The following GALNT17 variants were observed in gnomAD, a reference collection of about 807,000 sequenced individuals.
GALNT17 encodes polypeptide N-acetylgalactosaminyltransferase 17.
In GALNT17, 29 loss-of-function variants were observed where a neutral mutation model predicts 63.7. That is an observed-to-expected ratio of 0.46 (90% confidence interval 0.34 to 0.62). GALNT17 has a LOEUF of 0.62. Among genes scored for constraint, GALNT17 ranks in the 20% least tolerant of loss-of-function variants. The pLI, the probability that GALNT17 is intolerant of heterozygous loss-of-function variation, is 0.01. For missense variants in GALNT17, 603 were observed against 799.6 expected (o/e 0.75, Z 2.97); for synonymous variants, 305 against 318.3 (o/e 0.96, Z 0.45).
At chr7:71,388,492 C>G (rs1342496963) in intron 3 of GALNT17, 91 bp downstream of exon 3, 1 of 1,457,298 alleles carries the variant, frequency 6.9e-7, no homozygotes, top group Non-Finnish European at 9.3e-7. Context: ...ATCTGTGTCT[C>G]CTGGTCCCTG....
At chr7:71,487,498 G>A (rs1260713041) in intron 5 of GALNT17, among the ~76,000 whole-genome samples, 1 of 152,178 alleles carries the variant, frequency 6.6e-6, no homozygotes, top group Non-Finnish European at 1.5e-5. Context: ...AAGCCTGGAT[G>A]AGTCAGGTCA....
chr7:71,677,794 C>G (rs1791176093), intron 9 of GALNT17, among the ~76,000 whole-genome samples: 1 of 152,080 alleles, frequency 6.6e-6, no homozygotes, highest in Admixed American at 6.6e-5. Flanking sequence ...GGATTACAGG[C>G]GTGAGCCACC....
At chr7:71,274,945 C>T (rs1009542562) in intron 1 of GALNT17, among the ~76,000 whole-genome samples, 32 of 152,170 alleles carry the variant, frequency 2.1e-4, no homozygotes, top group Non-Finnish European at 4.6e-4. Context: ...ATGCTTGGCC[C>T]TGGGGGGTCG....
intron 1 of GALNT17, among the ~76,000 whole-genome samples, chr7:71,201,734 C>A (rs747643984): frequency 6.6e-6 from 1 of 151,778 alleles, no homozygotes; most frequent in African/African-American, 2.4e-5. Context: ...CGGGTTCAAG[C>A]AATTCGCCTC....
chr7:71,695,476 T>C (rs1334236146), intron 9 of GALNT17, among the ~76,000 whole-genome samples: 1 of 152,162 alleles, frequency 6.6e-6, no homozygotes, highest in Non-Finnish European at 1.5e-5. Context: ...AACCATCTGG[T>C]TCCATAGCAT....
At chr7:71,514,868 C>T (rs1004501547) in intron 5 of GALNT17, among the ~76,000 whole-genome samples, 4 of 152,142 alleles carry the variant, frequency 2.6e-5, no homozygotes, top group Admixed American at 2.0e-4. Context: ...TTGTAGCTCC[C>T]GTAATTCCCA....
chr7:71,139,409 C>T (rs920058004), intron 1 of GALNT17, among the ~76,000 whole-genome samples: 1 of 152,196 alleles, frequency 6.6e-6, no homozygotes. Flanking sequence ...ATCGATTCAA[C>T]TTAGTTACCA....
chr7:71,668,287 C>T lies in GALNT17; in HGVS notation c.1267-1685C>T, dbSNP rs955061667. Among the ~76,000 whole-genome samples, 6 of 151,914 alleles carry T rather than the reference C, an allele frequency of 3.9e-5. No homozygotes were observed. The East Asian group carries it at 7.8e-4, about 20-fold the overall frequency. On this transcript the variant is annotated intron_variant, in intron 7 of 10. Transcript: ENST00000333538. ...ATCCCAGCACTTTGGGAGGCCGAGG[C>T]GGGCAGATCACCTGAGGTTGGGAGT...
chr7:71,234,849 G>T (rs1013021928), intron 1 of GALNT17, among the ~76,000 whole-genome samples: 2 of 152,174 alleles, frequency 1.3e-5, no homozygotes, highest in African/African-American at 4.8e-5. Flanking sequence ...GGTGGCCTGG[G>T]TGTCTAAGTG....
At chr7:71,191,912 G>A (rs1171903807) in intron 1 of GALNT17, among the ~76,000 whole-genome samples, 12 of 152,170 alleles carry the variant, frequency 7.9e-5, no homozygotes, top group Admixed American at 6.6e-4. Flanking sequence ...TCACAGGATC[G>A]CAAGGTGAAG....
intron 3 of GALNT17, among the ~76,000 whole-genome samples, chr7:71,388,826 C>T (rs1379266652): frequency 6.6e-6 from 1 of 151,956 alleles, no homozygotes; most frequent in Admixed American, 6.6e-5. Context: ...CGTGCCCGGC[C>T]CAAGATTTTT....
intron 9 of GALNT17, among the ~76,000 whole-genome samples, chr7:71,693,299 C>CATATATATATAT (rs1327263888): frequency 2.1e-4 from 24 of 116,262 alleles, no homozygotes; most frequent in African/African-American, 7.2e-4. Context: ...CACACACACA[C>CATATATATATAT]ACACACACAC....
intron 1 of GALNT17, among the ~76,000 whole-genome samples, chr7:71,193,987 T>G (rs1346405370): frequency 3.3e-5 from 5 of 152,206 alleles, no homozygotes; most frequent in African/African-American, 4.8e-5. Context: ...ATTCACTGTC[T>G]TATCCAGTTA....
At chr7:71,498,472 T>C (rs1342052109) in intron 5 of GALNT17, among the ~76,000 whole-genome samples, 1 of 151,582 alleles carries the variant, frequency 6.6e-6, no homozygotes, top group Non-Finnish European at 1.5e-5. Context: ...AAAAAATAAA[T>C]AAAAGCAACA....
chr7:71,292,701 GTGTGTGTGTGTT>G (rs1387787241), intron 1 of GALNT17, among the ~76,000 whole-genome samples: 11 of 149,682 alleles, frequency 7.3e-5, no homozygotes, highest in East Asian at 5.9e-4. Flanking sequence ...GTGTGTGTGT[GTGTGTGTGTGTT>G]GGGCAGATTT....
chr7:71,388,132 C>A, intron 2 of GALNT17, 103 bp from the exon 3 acceptor site: 2 of 1,271,354 alleles, frequency 1.6e-6, no homozygotes, highest in Non-Finnish European at 2.2e-6. Context: ...CGCCTTGGGA[C>A]GACTGGATGA....
chr7:71,478,423 C>G (rs376809484), intron 5 of GALNT17, among the ~76,000 whole-genome samples: 38 of 152,072 alleles, frequency 2.5e-4, no homozygotes, highest in South Asian at 2.1e-4. Flanking sequence ...AAGCAATCCT[C>G]CCCCCTCAGC....
chr7:71,155,951 C>T (rs143862191), intron 1 of GALNT17, among the ~76,000 whole-genome samples: 4,629 of 151,910 alleles, frequency 0.03, 116 homozygotes, highest in South Asian at 0.069. Context: ...AATCCCAGCA[C>T]TTTGGGAGGC....
At chr7:71,486,118 C>T (rs780567568) in intron 5 of GALNT17, among the ~76,000 whole-genome samples, 3 of 151,940 alleles carry the variant, frequency 2.0e-5, no homozygotes, top group Non-Finnish European at 4.4e-5. Context: ...TACTTGAGGT[C>T]AGGAGTTCAA....
Sources: gnomAD v4.1 joint callset for allele counts (sites outside exome capture counted in the v4.1 genomes callset) on GRCh38, gnomAD v4.1.1 for gene constraint, MANE v1.5 for transcripts, NCBI Gene and HGNC (gene_info 2026-07-23, HGNC 2026-07-21) for gene names.